The following FAM184A variants were observed in gnomAD, a reference collection of about 807,000 sequenced individuals.
FAM184A encodes the protein family with sequence similarity 184 member A.
A neutral mutation model predicts 143.8 loss-of-function variants in FAM184A; 99 were observed. The observed-to-expected ratio is 0.69, with a 90% CI of 0.58 to 0.81. The LOEUF is 0.81. Ranked by LOEUF, FAM184A falls within the 40% of genes least tolerant of loss-of-function variation. The probability of loss-of-function intolerance (pLI) is 0.00; values close to 1 mark genes in which losing one functional copy is unlikely to be tolerated. For missense variants in FAM184A, 1,217 were observed against 1,310.5 expected (o/e 0.93, Z 1.10); for synonymous variants, 427 against 446.4 (o/e 0.96, Z 0.55).
chr6:119,137,410 T>A (rs1339098951), intron 1 of FAM184A, among the ~76,000 whole-genome samples: 1 of 152,178 alleles, frequency 6.6e-6, no homozygotes, highest in Non-Finnish European at 1.5e-5. Flanking sequence ...CCCACCCATA[T>A]GTCCTCATTC....
At position 119,091,289 on chromosome 6, in the gene FAM184A, C is replaced by T. The variant is rs807799; in HGVS notation, c.-202+57789G>A. Among the ~76,000 whole-genome samples the T allele has an allele frequency of 3.4e-3, 513 of 152,280 alleles. 1 individual carries two copies. Among genetic ancestry groups the T allele is most frequent in the African/African-American group, 0.012 (487 of 41,552 alleles). On this transcript the variant is annotated intron_variant, in intron 1 of 16. Transcript: ENST00000352896. ...TCTGCAAGTGGGTCGCTGGGTATGA[C>T]GGTGAGAGAAGCCAATTCAACTTCT...
At chr6:119,112,524 T>C (rs1321318482) in intron 1 of FAM184A, among the ~76,000 whole-genome samples, 2 of 152,222 alleles carry the variant, frequency 1.3e-5, no homozygotes, top group African/African-American at 4.8e-5. Context: ...TTTAGTTTTC[T>C]GGCCATTGAA....
intron 1 of FAM184A, among the ~76,000 whole-genome samples, chr6:119,103,382 G>A (rs1210521747): frequency 1.3e-5 from 2 of 152,162 alleles, no homozygotes; most frequent in Admixed American, 6.6e-5. Context: ...TATTATTTAA[G>A]CCAATCTGGC....
At chr6:118,999,165 T>C (rs1784669724) in intron 9 of FAM184A, among the ~76,000 whole-genome samples, 1 of 152,186 alleles carries the variant, frequency 6.6e-6, no homozygotes, top group African/African-American at 2.4e-5. Flanking sequence ...GAACGGACGC[T>C]AGTTCTAGAA....
At chr6:119,135,770 G>C (rs562037236) in intron 1 of FAM184A, among the ~76,000 whole-genome samples, 1 of 152,100 alleles carries the variant, frequency 6.6e-6, no homozygotes, top group Non-Finnish European at 1.5e-5. Context: ...CATACTTCAC[G>C]CAAAAGAAGA....
intron 14 of FAM184A, among the ~76,000 whole-genome samples, chr6:118,974,090 TC>T (rs1783775618): frequency 6.6e-6 from 1 of 152,150 alleles, no homozygotes; most frequent in Middle Eastern, 3.2e-3. Flanking sequence ...ATCATAGTAT[TC>T]CTATTGTTCA....
intron 3 of FAM184A, among the ~76,000 whole-genome samples, chr6:119,021,053 C>A (rs1220687022): frequency 6.6e-6 from 1 of 152,120 alleles, no homozygotes; most frequent in Non-Finnish European, 1.5e-5. Context: ...GTACCCAGGA[C>A]CAGCATCACC....
At chr6:119,028,240 T>C (rs1785738455) in intron 1 of FAM184A, among the ~76,000 whole-genome samples, 2 of 152,166 alleles carry the variant, frequency 1.3e-5, no homozygotes, top group South Asian at 2.1e-4. Flanking sequence ...TTGATGTGTG[T>C]TTTCACTGTG....
At chr6:118,960,430 A>G (rs1056989906) in intron 17 of FAM184A, among the ~76,000 whole-genome samples, 1 of 152,200 alleles carries the variant, frequency 6.6e-6, no homozygotes, top group Non-Finnish European at 1.5e-5. Context: ...CACAAAGAAC[A>G]AAAAACAACT....
intron 5 of FAM184A, among the ~76,000 whole-genome samples, chr6:119,013,086 G>A (rs1249593491): frequency 1.4e-5 from 2 of 144,210 alleles, no homozygotes; most frequent in Admixed American, 7.3e-5. Flanking sequence ...GAAAGAGCAA[G>A]TGATACACAA....
intron 1 of FAM184A, among the ~76,000 whole-genome samples, chr6:119,049,054 A>G (rs1038858030): frequency 1.3e-5 from 2 of 152,256 alleles, no homozygotes; most frequent in African/African-American, 4.8e-5. Flanking sequence ...TAGCCAAGGC[A>G]ATCCTAAGCA....
chr6:119,076,487 C>T (rs1316570548), intron 1 of FAM184A, among the ~76,000 whole-genome samples: 1 of 152,048 alleles, frequency 6.6e-6, no homozygotes, highest in African/African-American at 2.4e-5. Context: ...CCTACGTTTA[C>T]CAGTGGTGCT....
chr6:119,057,224 G>A (rs780342604), intron 1 of FAM184A, among the ~76,000 whole-genome samples: 5 of 152,146 alleles, frequency 3.3e-5, no homozygotes, highest in Non-Finnish European at 7.4e-5. Flanking sequence ...TTGAAATTAT[G>A]GTCCTCTTTC....
intron 1 of FAM184A, among the ~76,000 whole-genome samples, chr6:119,125,024 C>T (rs566234218): frequency 3.5e-4 from 53 of 152,262 alleles, no homozygotes; most frequent in Middle Eastern, 6.8e-3. Context: ...TTTTTACTAA[C>T]GCTTTGAAAG....
In FAM184A at chr6:118,997,843, C is replaced by T. The variant is rs192930325; in HGVS notation, c.2088+5056G>A. Among the ~76,000 whole-genome samples the T allele has an allele frequency of 8.5e-5, 13 of 152,206 alleles. No homozygotes were observed. The East Asian group carries it at 2.3e-3, about 27-fold the overall frequency. On this transcript the variant is annotated intron_variant, in intron 9 of 17. Coordinates refer to ENST00000338891, the MANE Select transcript of FAM184A (RefSeq NM_024581.6). ...GCCACATGTACAATTTAAAGTTTTT[C>T]AGTAACCATATTTAAAAGAGCAAAA...
At chr6:119,068,181 G>C (rs9489585) in intron 1 of FAM184A, among the ~76,000 whole-genome samples, 1,943 of 151,338 alleles carry the variant, frequency 0.013, 39 homozygotes, top group African/African-American at 0.045. Flanking sequence ...CGAGTAGCTG[G>C]GATTACAGGC....
At chr6:119,003,462 C>T in intron 8 of FAM184A, 39 bp downstream of exon 8, 1 of 1,580,208 alleles carries the variant, frequency 6.3e-7, no homozygotes. Flanking sequence ...AACTTTCTTG[C>T]ATGTCTTTAT....
intron 1 of FAM184A, among the ~76,000 whole-genome samples, chr6:119,106,358 A>T (rs980610289): frequency 2.6e-5 from 4 of 152,180 alleles, no homozygotes; most frequent in Non-Finnish European, 5.9e-5. Context: ...GTGCCACTGC[A>T]CTCCAGGGTG....
At chr6:119,007,797 CG>C (rs1784969420) in intron 6 of FAM184A, among the ~76,000 whole-genome samples, 1 of 151,866 alleles carries the variant, frequency 6.6e-6, no homozygotes, top group Non-Finnish European at 1.5e-5. Context: ...AAAAAGTAGC[CG>C]GGTGTGGTGG....
Sources: gnomAD v4.1 joint callset for allele counts (sites outside exome capture counted in the v4.1 genomes callset) on GRCh38, gnomAD v4.1.1 for gene constraint, MANE v1.5 for transcripts, NCBI Gene and HGNC (gene_info 2026-07-23, HGNC 2026-07-21) for gene names.